Variants in ADCYAP1R1 observed in about 807,000 individuals in gnomAD.
ADCYAP1R1 encodes pituitary adenylate cyclase-activating polypeptide type I receptor.
In ADCYAP1R1, 44 loss-of-function variants were observed where a neutral mutation model predicts 67.6. The observed-to-expected ratio is 0.65, with a 90% CI of 0.51 to 0.84. The LOEUF is 0.84. Among genes scored for constraint, ADCYAP1R1 ranks in the 40% least tolerant of loss-of-function variants. ADCYAP1R1 has a pLI of 0.00. For missense variants in ADCYAP1R1, 477 were observed against 587.9 expected, an observed-to-expected ratio of 0.81 and a Z score of 1.95; for synonymous variants, 222 against 219.6, an observed-to-expected ratio of 1.01 and a Z score of -0.10.
At chr7:31,072,892 A>C (rs1203551642) in intron 3 of ADCYAP1R1, among the ~76,000 whole-genome samples, 1 of 152,248 alleles carries the variant, frequency 6.6e-6, no homozygotes, top group Non-Finnish European at 1.5e-5. Flanking sequence ...GGAGAATCAG[A>C]GAAGAGAGAC....
intron 3 of ADCYAP1R1, among the ~76,000 whole-genome samples, chr7:31,074,552 C>T (rs1225706228): frequency 6.6e-6 from 1 of 152,220 alleles, no homozygotes; most frequent in African/African-American, 2.4e-5. Context: ...GCAGTGTCAG[C>T]TGGCAGCAGC....
intron 13 of ADCYAP1R1, among the ~76,000 whole-genome samples, chr7:31,097,335 A>G (rs185000553): frequency 2.0e-5 from 3 of 152,326 alleles, no homozygotes; most frequent in Admixed American, 1.3e-4. Flanking sequence ...TCCTGACTTA[A>G]TTTATTTTCC....
chr7:31,106,554 T>C lies in ADCYAP1R1; in HGVS notation c.1277T>C (p.Val426Ala). 6.2e-7 allele frequency: 1 copy of C among 1,613,958 alleles called. No homozygotes were observed. Among genetic ancestry groups the C allele is most frequent in the South Asian group, 1.1e-5 (1 of 91,036 alleles). The change falls in exon 16 of 16, where the codon GTG becomes GCG. Residue 426 changes from valine (V) to alanine (A), a missense_variant. Coordinates refer to ENST00000304166, the MANE Select transcript of ADCYAP1R1 (RefSeq NM_001118.5). ...TGGAAGGTGAACCGTTACTTCGCTG[T>C]GGACTTCAAGCACCGACACCCGTCT... is the stretch of plus-strand genomic sequence containing the variant. ...RSWKVNRYFA[V>A]DFKHRHPSLA...
intron 1 of ADCYAP1R1, among the ~76,000 whole-genome samples, chr7:31,055,329 GTGT>G (rs1794194180): frequency 4.4e-5 from 2 of 45,244 alleles, no homozygotes; most frequent in African/African-American, 5.1e-4. Context: ...ATGGAGGAAA[GTGT>G]GTGTGTGTGT....
At chr7:31,072,579 A>G (rs1437769234) in intron 3 of ADCYAP1R1, among the ~76,000 whole-genome samples, 1 of 152,032 alleles carries the variant, frequency 6.6e-6, no homozygotes, top group Non-Finnish European at 1.5e-5. Context: ...GACTATAGCC[A>G]TGTCCTAACA....
intron 3 of ADCYAP1R1, among the ~76,000 whole-genome samples, chr7:31,067,867 G>A (rs1410971147): frequency 6.6e-6 from 1 of 152,220 alleles, no homozygotes; most frequent in Non-Finnish European, 1.5e-5. Flanking sequence ...CTAAGACACT[G>A]TAGTTATTAG....
At chr7:31,087,797 C>T in intron 12 of ADCYAP1R1, 101 bp downstream of exon 12, 2 of 872,944 alleles carry the variant, frequency 2.3e-6, no homozygotes, top group Non-Finnish European at 3.7e-6. Flanking sequence ...ACCTGACTTC[C>T]TCCTCTGTCA....
Position 31,085,268 on chromosome 7 carries a change from G to A in ADCYAP1R1, c.537-42G>A, listed in dbSNP as rs774009355. 13 of 1,595,232 alleles carry A rather than the reference G, an allele frequency of 8.1e-6. No homozygotes were observed. The South Asian group carries it at 1.3e-4, about 15-fold the overall frequency. On this transcript the variant is annotated intron_variant, in intron 8 of 15. Transcript: ENST00000304166. ...GCCCACATGGAGGGTGTGAAATGCT[G>A]TGGGGTCCAAGGCTTCTTTCTCCCC...
chr7:31,063,366 C>T (rs776282646), intron 2 of ADCYAP1R1, 51 bp downstream of exon 2: 21 of 1,603,338 alleles, frequency 1.3e-5, no homozygotes, highest in East Asian at 6.7e-5. Flanking sequence ...CCTGAGTCCC[C>T]GCTCCAGAGA....
intron 3 of ADCYAP1R1, 83 bp downstream of exon 3, chr7:31,065,019 GT>G: frequency 3.8e-6 from 4 of 1,046,132 alleles, no homozygotes; most frequent in Non-Finnish European, 5.6e-6. Context: ...CGGCCAGTGA[GT>G]GGTCAAGGTA....
In ADCYAP1R1 at chr7:31,106,581, TGGC is replaced by T; in HGVS notation, c.1305_1307del (p.Ala436del). 2.5e-6 allele frequency: 4 copies of T among 1,614,114 alleles called. No homozygotes were observed. The highest frequency in any genetic ancestry group is 3.4e-6 in the Non-Finnish European group (4 of 1,179,940). On this transcript the variant is annotated inframe_deletion, in exon 16 of 16. Coordinates refer to ENST00000304166, the MANE Select transcript of ADCYAP1R1 (RefSeq NM_001118.5). ...GACTTCAAGCACCGACACCCGTCTC[TGGC>T]CAGCAGTGGGGTGAATGGGGGCACC... is the stretch of plus-strand genomic sequence containing the variant.
At chr7:31,093,811 C>T (rs923440755) in intron 13 of ADCYAP1R1, among the ~76,000 whole-genome samples, 3 of 152,134 alleles carry the variant, frequency 2.0e-5, no homozygotes, top group African/African-American at 7.2e-5. Flanking sequence ...ACAGCATCTA[C>T]TGGCTGCCCA....
chr7:31,073,138 C>G (rs567672237), intron 3 of ADCYAP1R1, among the ~76,000 whole-genome samples: 5 of 152,276 alleles, frequency 3.3e-5, no homozygotes, highest in Non-Finnish European at 7.4e-5. Flanking sequence ...AGTTTGCTTA[C>G]AAACTTACAG....
At chr7:31,105,277 A>G (rs1796595980) in intron 15 of ADCYAP1R1, among the ~76,000 whole-genome samples, 2 of 152,244 alleles carry the variant, frequency 1.3e-5, no homozygotes, top group Admixed American at 6.5e-5. Flanking sequence ...GGCACAGGAC[A>G]TAGGACCTAC....
chr7:31,063,371 C>G, intron 2 of ADCYAP1R1, 56 bp downstream of exon 2: 1 of 1,597,382 alleles, frequency 6.3e-7, no homozygotes, highest in South Asian at 1.1e-5. Flanking sequence ...GTCCCCGCTC[C>G]AGAGAACTCA....
intron 6 of ADCYAP1R1, 54 bp downstream of exon 6, chr7:31,081,808 T>C: frequency 6.7e-7 from 1 of 1,484,686 alleles, no homozygotes. Flanking sequence ...GGGCGTCTGC[T>C]GACATGTGAG....
At chr7:31,069,299 G>C (rs1471277578) in intron 3 of ADCYAP1R1, among the ~76,000 whole-genome samples, 1 of 152,156 alleles carries the variant, frequency 6.6e-6, no homozygotes, top group Admixed American at 6.5e-5. Flanking sequence ...ATTAATCCGT[G>C]CCAGTCCTCC....
In ADCYAP1R1 at chr7:31,110,038, A is replaced by G. The variant is rs769710659; in HGVS notation, c.*3354A>G. The G allele has an allele frequency of 2.6e-5, 4 of 151,376 alleles. No individual in the cohort carries two copies. Among genetic ancestry groups the G allele is most frequent in the Non-Finnish European group, 4.4e-5 (3 of 67,910 alleles). The allele number at this position is 151,376 out of a possible 1,614,324, so 9.4% of individuals were successfully genotyped here. On this transcript the variant is annotated 3_prime_UTR_variant, in exon 16 of 16. Transcript: ENST00000304166. Reference sequence around the variant, plus strand: ...GAGCCAAGCCCTAGGCTTGAGAGACACCTGCATCTATAATCCCCGCCAAGG... The same window carrying G: ...GAGCCAAGCCCTAGGCTTGAGAGACGCCTGCATCTATAATCCCCGCCAAGG...
chr7:31,059,721 C>T (rs963102700), intron 1 of ADCYAP1R1, among the ~76,000 whole-genome samples: 4 of 152,114 alleles, frequency 2.6e-5, no homozygotes, highest in African/African-American at 9.7e-5. Flanking sequence ...CAGCCTAAGT[C>T]TGTAAGCTCT....
Sources: allele counts gnomAD v4.1 joint callset (sites outside exome capture counted in the v4.1 genomes callset), GRCh38; gene constraint gnomAD v4.1.1; transcripts MANE v1.5; gene names NCBI Gene and HGNC (gene_info 2026-07-23, HGNC 2026-07-21).